TNRC6C: variants seen among roughly 807,000 people sequenced by gnomAD.
TNRC6C encodes the protein trinucleotide repeat-containing gene 6C protein.
TNRC6C carries 20 observed loss-of-function variants against 153.7 expected under a neutral mutation model. The observed-to-expected ratio is 0.13, with a 90% confidence interval of 0.09 to 0.19. TNRC6C has a LOEUF of 0.19. TNRC6C is among the 10% of genes least tolerant of loss of function. The pLI, the probability that TNRC6C is intolerant of heterozygous loss-of-function variation, is 1.00. For synonymous variants in TNRC6C, 811 were observed against 841.4 expected (o/e 0.96, Z 0.63); for missense variants, 1,987 against 2,172.0 (o/e 0.91, Z 1.69).
intron 6 of TNRC6C, among the ~76,000 whole-genome samples, chr17:78,071,687 C>T (rs565060355): frequency 1.2e-4 from 18 of 152,204 alleles, no homozygotes; most frequent in African/African-American, 4.1e-4. Flanking sequence ...TACGCCCAGC[C>T]GGAAAATGCT....
intron 1 of TNRC6C, among the ~76,000 whole-genome samples, chr17:77,978,933 C>A (rs2071037269): frequency 6.6e-6 from 1 of 152,120 alleles, no homozygotes; most frequent in Non-Finnish European, 1.5e-5. Context: ...AAACTAAATC[C>A]TCTCTAGAGG....
intron 1 of TNRC6C, among the ~76,000 whole-genome samples, chr17:77,967,785 A>G (rs768320157): frequency 2.6e-5 from 4 of 152,224 alleles, no homozygotes; most frequent in Non-Finnish European, 5.9e-5. Context: ...ATACTAGCCC[A>G]TTGGAAAAAT....
At chr17:77,966,761 C>G (rs1444195645) in intron 1 of TNRC6C, among the ~76,000 whole-genome samples, 3 of 152,088 alleles carry the variant, frequency 2.0e-5, no homozygotes, top group South Asian at 2.1e-4. Context: ...GGTGGATACT[C>G]TCAATGAAAT....
chr17:78,049,286 A>G lies in TNRC6C; in HGVS notation c.224A>G (p.Asp75Gly), dbSNP rs1490524231. The G allele has an allele frequency of 6.2e-7, 1 of 1,613,242 alleles. No homozygotes were observed. Among genetic ancestry groups the G allele is most frequent in the Non-Finnish European group, 8.5e-7 (1 of 1,179,464 alleles). ...GTCAGTGGTGGGGATGGAAAAATGG[A>G]CACTATGATTGGAGATGGGAGAAGT... The change falls in exon 3 of 20, where the codon GAC becomes GGC. Residue 75 changes from aspartate (D) to glycine (G), a missense_variant. Asp to Gly is a moderately conservative substitution (Grantham distance 94). Around this residue, in one of 4 missense-constraint regions of TNRC6C, gnomAD observed 1,052 missense variants for 1,017.0 expected, o/e 1.03. Transcript: ENST00000301624. The surrounding 1 kb of genome is among the most constrained non-coding windows in gnomAD (Gnocchi z 4.1).
chr17:78,051,387 C>T (rs574155645), exon 3 of TNRC6C: 32 of 1,550,046 alleles, frequency 2.1e-5, no homozygotes, highest in East Asian at 1.5e-4. Flanking sequence ...CACACAGGGT[C>T]GAGACGCCGC....
intron 1 of TNRC6C, among the ~76,000 whole-genome samples, chr17:77,985,367 G>T (rs1041622972): frequency 6.6e-6 from 1 of 151,966 alleles, no homozygotes; most frequent in African/African-American, 2.4e-5. Context: ...GGCCGAGGCG[G>T]GCGGATCATG....
At chr17:77,989,357 C>T (rs1418543773) in intron 1 of TNRC6C, among the ~76,000 whole-genome samples, 4 of 152,132 alleles carry the variant, frequency 2.6e-5, no homozygotes, top group Admixed American at 2.0e-4. Context: ...AAGCTTAGAA[C>T]CTATTTTACA....
chr17:77,987,735 G>A lies in TNRC6C; in HGVS notation c.-37-16435G>A, dbSNP rs1031820773. ...GTCGCCCAGGCTGGAGTGCAGTGGC[G>A]CGAGCACCATCTCAGCTCACCGCAA... is the stretch of plus-strand genomic sequence containing the variant. On this transcript the variant is annotated intron_variant, in intron 1 of 22. Coordinates refer to the TNRC6C transcript ENST00000636222. Among the ~76,000 whole-genome samples, 37 of 151,980 alleles carry A rather than the reference G, an allele frequency of 2.4e-4. 1 individual carries two copies. Among genetic ancestry groups the A allele is most frequent in the African/African-American group, 7.3e-4 (30 of 41,374 alleles).
intron 1 of TNRC6C, among the ~76,000 whole-genome samples, chr17:77,991,469 G>A (rs1373850269): frequency 6.6e-6 from 1 of 152,164 alleles, no homozygotes; most frequent in African/African-American, 2.4e-5. Context: ...CTTGTGTCTA[G>A]ATGTGGGCAA....
At chr17:78,089,263 C>T (rs1021636635) in intron 13 of TNRC6C, among the ~76,000 whole-genome samples, 3 of 152,046 alleles carry the variant, frequency 2.0e-5, no homozygotes, top group Non-Finnish European at 4.4e-5. Flanking sequence ...CCACCGTGCC[C>T]GACCACTTAT....
intron 1 of TNRC6C, among the ~76,000 whole-genome samples, chr17:78,026,868 A>T (rs758262097): frequency 3.9e-5 from 6 of 152,126 alleles, no homozygotes; most frequent in Non-Finnish European, 8.8e-5. Context: ...GATGGGTGAA[A>T]TTGAGGGATA....
rs771546349 is a variant in TNRC6C, at chr17:78,051,435, G to A, written c.2373G>A (p.Pro791=). The A allele has an allele frequency of 2.1e-5, 31 of 1,488,768 alleles. No homozygotes were observed. The South Asian group carries it at 2.4e-4, about 12-fold the overall frequency. 92.2% of individuals were successfully genotyped at this position (1,488,768 alleles called of 1,614,324 possible). A position where few individuals can be genotyped will look rare whatever the true frequency, so the allele number is the denominator to read the frequency against. Reference sequence around the variant, plus strand: ...CCGGTACTCAGCTGAATCGATCACCGTTGCTTGGTCCAGGTAGGAAAGGTA... The same window carrying A: ...CCGGTACTCAGCTGAATCGATCACCATTGCTTGGTCCAGGTAGGAAAGGTA... Residue 791 remains proline (P), a synonymous_variant, in exon 3 of 20, where the codon CCG becomes CCA. Transcript: ENST00000301624.
chr17:78,002,365 C>T (rs1205984895), upstream of TNRC6C, among the ~76,000 whole-genome samples: 2 of 152,054 alleles, frequency 1.3e-5, no homozygotes, highest in African/African-American at 4.8e-5. Flanking sequence ...ACAGAGGAAG[C>T]TCATAATCTC....
At chr17:78,006,828 AT>A (rs113977025) in intron 1 of TNRC6C, among the ~76,000 whole-genome samples, 85 of 143,906 alleles carry the variant, frequency 5.9e-4, no homozygotes, top group East Asian at 1.6e-3. Context: ...TTATTTATTT[AT>A]TTTTTTTTTT....
chr17:77,985,601 C>CAAGAAAAAAAAAAAAAA (rs2071153075), intron 1 of TNRC6C, among the ~76,000 whole-genome samples: 1 of 96,244 alleles, frequency 1.0e-5, no homozygotes, highest in African/African-American at 4.2e-5. Flanking sequence ...GACTCCGTCT[C>CAAGAAAAAAAAAAAAAA]AAAAAAAAAA....
At chr17:77,992,863 T>G (rs1273676246) in intron 1 of TNRC6C, among the ~76,000 whole-genome samples, 1 of 152,220 alleles carries the variant, frequency 6.6e-6, no homozygotes. Context: ...AATCAAATAG[T>G]AAAATAACGT....
upstream of TNRC6C, among the ~76,000 whole-genome samples, chr17:77,958,589 G>T (rs980706556): frequency 2.0e-5 from 3 of 152,112 alleles, no homozygotes; most frequent in African/African-American, 7.2e-5. Flanking sequence ...ATGCAGATAC[G>T]GTGGGAGTCA....
intron 8 of TNRC6C, among the ~76,000 whole-genome samples, chr17:78,076,378 G>A (rs1191728447): frequency 6.6e-6 from 1 of 152,142 alleles, no homozygotes; most frequent in Non-Finnish European, 1.5e-5. Context: ...CCTGCCCCTC[G>A]CCAGTGGGGA....
chr17:78,056,950 A>G (rs934200595), intron 3 of TNRC6C, among the ~76,000 whole-genome samples: 1 of 152,132 alleles, frequency 6.6e-6, no homozygotes, highest in Non-Finnish European at 1.5e-5. Flanking sequence ...TGTAACTGCT[A>G]CACCTTAACA....
Sources: gnomAD v4.1 joint callset for allele counts (sites outside exome capture counted in the v4.1 genomes callset) on GRCh38, gnomAD v4.1.1 for gene constraint, gnomAD v4.1.1 regional missense constraint, Gnocchi (gnomAD v3.1) non-coding constraint, MANE v1.5 for transcripts, NCBI Gene and HGNC (gene_info 2026-07-23, HGNC 2026-07-21) for gene names.